The following ATP6V0A4 variants were observed in gnomAD, a reference collection of about 807,000 sequenced individuals.
The protein encoded by ATP6V0A4 is V-type proton ATPase 116 kDa subunit a 4.
ATP6V0A4 carries 86 observed loss-of-function variants against 107.3 expected under a neutral mutation model. That is an observed-to-expected ratio of 0.80 (90% CI 0.67 to 0.96). The LOEUF (loss-of-function observed/expected upper bound fraction) is 0.96, where lower values mean the gene tolerates loss of function less well. Ranked by LOEUF, ATP6V0A4 falls within the 40% of genes least tolerant of loss-of-function variation. The pLI, the probability that ATP6V0A4 is intolerant of heterozygous loss-of-function variation, is 0.00. For missense variants in ATP6V0A4, 908 were observed against 1,045.6 expected, an observed-to-expected ratio of 0.87 and a Z score of 1.81; for synonymous variants, 353 against 381.4, an observed-to-expected ratio of 0.93 and a Z score of 0.87.
chr7:138,746,897 T>C (rs1456271719), intron 13 of ATP6V0A4, among the ~76,000 whole-genome samples: 2 of 152,198 alleles, frequency 1.3e-5, no homozygotes, highest in African/African-American at 2.4e-5. Flanking sequence ...GGGGAAACGA[T>C]GTTCAGGGTT....
In ATP6V0A4 at chr7:138,778,364, C is replaced by CA. The variant is rs937688247; in HGVS notation, c.-17-7101dup. On this transcript the variant is annotated intron_variant, in intron 2 of 21. Transcript: ENST00000310018. ...CAACAGAGTGAGACTGTCTCAAAAA[C>CA]AAAAAAAAAATCATGCATGACTTTT... Among the ~76,000 whole-genome samples, 55 of 144,580 alleles carry CA rather than the reference C, an allele frequency of 3.8e-4. 1 individual carries two copies. The highest frequency in any genetic ancestry group is 1.0e-3 in the African/African-American group (41 of 39,416). The allele number at this position is 144,580 out of a possible 152,430, so 94.9% of individuals were successfully genotyped here.
At chr7:138,737,641 G>C (rs377364633) in intron 15 of ATP6V0A4, among the ~76,000 whole-genome samples, 5 of 149,580 alleles carry the variant, frequency 3.3e-5, no homozygotes, top group African/African-American at 1.2e-4. Context: ...GAGTGCAGTG[G>C]TGTGATCTCA....
chr7:138,729,073 G>T, intron 17 of ATP6V0A4: 1 of 572,284 alleles, frequency 1.7e-6, no homozygotes, highest in Non-Finnish European at 2.2e-6. Context: ...TCGACACGGG[G>T]TAGACACTGG....
At chr7:138,769,147 G>T (rs549195945) in intron 4 of ATP6V0A4, 26 bp downstream of exon 4, 1 of 1,397,664 alleles carries the variant, frequency 7.2e-7, no homozygotes. Flanking sequence ...TGAACAGTAA[G>T]AAAAAAAAAA....
chr7:138,784,222 ATATATATATATACG>A (rs1391134607), intron 2 of ATP6V0A4, among the ~76,000 whole-genome samples: 956 of 86,164 alleles, frequency 0.011, 45 homozygotes, highest in African/African-American at 0.05. Flanking sequence ...CATTATATAT[ATATATATATATACG>A]TATATATATA....
chr7:138,731,182 G>A (rs1454754590), intron 17 of ATP6V0A4, among the ~76,000 whole-genome samples: 1 of 152,172 alleles, frequency 6.6e-6, no homozygotes, highest in Non-Finnish European at 1.5e-5. Context: ...TGATCTGCCT[G>A]CCTTGGCCTC....
intron 7 of ATP6V0A4, among the ~76,000 whole-genome samples, chr7:138,760,984 T>C (rs184281934): frequency 6.6e-6 from 1 of 151,424 alleles, no homozygotes; most frequent in African/African-American, 2.4e-5. Flanking sequence ...TTATTAAAAT[T>C]TTTTTTTTTG....
rs1350743477 is a variant in ATP6V0A4 at position 138,784,235 on chromosome 7, CGTAT to C, written c.-18+1919_-18+1922del. On this transcript the variant is annotated intron_variant, in intron 2 of 21. Transcript: ENST00000310018. ...AACATTATATATATATATATATATA[CGTAT>C]ATATATATATATACATATATATATA... 3.2e-3 allele frequency among the ~76,000 whole-genome samples: 288 copies of C among 91,018 alleles called. 4 individuals are homozygous for C. The South Asian group carries it at 0.041, about 13-fold the overall frequency. 59.7% of individuals were successfully genotyped at this position (91,018 alleles called of 152,430 possible). A position where few individuals can be genotyped will look rare whatever the true frequency, so the allele number is the denominator to read the frequency against.
chr7:138,791,330 A>C (rs2130229186), intron 1 of ATP6V0A4, among the ~76,000 whole-genome samples: 1 of 152,340 alleles, frequency 6.6e-6, no homozygotes, highest in Admixed American at 6.5e-5. Context: ...AATAAAGAAG[A>C]AGGTAAGAGA....
At chr7:138,750,576 G>T (rs1806171025) in intron 11 of ATP6V0A4, among the ~76,000 whole-genome samples, 1 of 152,222 alleles carries the variant, frequency 6.6e-6, no homozygotes, top group Non-Finnish European at 1.5e-5. Flanking sequence ...ACACCCGACA[G>T]CACGTGCCAC....
chr7:138,754,380 G>A (rs555471948), intron 10 of ATP6V0A4, among the ~76,000 whole-genome samples: 13 of 150,972 alleles, frequency 8.6e-5, no homozygotes, highest in Admixed American at 3.3e-4. Flanking sequence ...CCCGGGAGGC[G>A]GAGGTTGCGG....
Position 138,749,215 on chromosome 7 carries a change from T to C in ATP6V0A4, c.1132A>G (p.Asn378Asp). The change falls in exon 12 of 22, where the codon AAT (asparagine) becomes GAT (aspartate). Residue 378 changes from asparagine (N) to aspartate (D), a missense_variant. By Grantham distance (23) the Asn-to-Asp change is conservative. Coordinates refer to ENST00000310018, the MANE Select transcript of ATP6V0A4 (RefSeq NM_020632.3). ...RTNKFTAGFQNIVDAYGVGSY... is the reference protein window; with the variant it reads ...RTNKFTAGFQDIVDAYGVGSY... ...CCGACACCATAGGCATCAACAATATTCTGGAAGCCAGCTGTGAATTTATTG... is the reference window on the plus strand; with the variant it reads ...CCGACACCATAGGCATCAACAATATCCTGGAAGCCAGCTGTGAATTTATTG... The C allele has an allele frequency of 6.2e-7, 1 of 1,614,084 alleles. No homozygotes were observed. The highest frequency in any genetic ancestry group is 8.5e-7 in the Non-Finnish European group (1 of 1,180,026).
intron 21 of ATP6V0A4, among the ~76,000 whole-genome samples, chr7:138,708,966 C>T (rs568716822): frequency 2.6e-5 from 4 of 152,054 alleles, no homozygotes; most frequent in East Asian, 1.9e-4. Context: ...CCCAGCACTT[C>T]AGGAGGCTGA....
In ATP6V0A4 at chr7:138,728,758, T is replaced by C. The variant is rs1409251661; in HGVS notation, c.2010+3A>G. On this transcript the variant is annotated splice_donor_region_variant and intron_variant, in intron 18 of 21. Transcript: ENST00000310018. ...AGGGTGAACTGAAACAAACAGCCCTTACCTGGGATTTCCGATGACTGGCTC... is the reference window on the plus strand; with the variant it reads ...AGGGTGAACTGAAACAAACAGCCCTCACCTGGGATTTCCGATGACTGGCTC... 3 of 1,614,144 alleles carry C rather than the reference T, an allele frequency of 1.9e-6. No homozygotes were observed. Among genetic ancestry groups the C allele is most frequent in the Non-Finnish European group, 2.5e-6 (3 of 1,180,032 alleles).
At position 138,798,108 on chromosome 7, in the gene ATP6V0A4, C is replaced by G. The variant is rs370506317; in HGVS notation, c.-195G>C. The G allele has an allele frequency of 6.3e-7, 1 of 1,597,198 alleles. No individual in the cohort carries two copies. The highest frequency in any genetic ancestry group is 2.3e-5 in the East Asian group (1 of 44,032). On this transcript the variant is annotated 5_prime_UTR_variant, in exon 1 of 22. Coordinates refer to ENST00000310018, the MANE Select transcript of ATP6V0A4 (RefSeq NM_020632.3). ...GGCACTCAGCACAGCCTCCAGCATG[C>G]AGCGCCTCCCCGCTGCCACCCGGGC...
chr7:138,761,510 C>A (rs1463504099), intron 7 of ATP6V0A4, among the ~76,000 whole-genome samples: 1 of 151,780 alleles, frequency 6.6e-6, no homozygotes, highest in Non-Finnish European at 1.5e-5. Context: ...TGGCAGACGC[C>A]TGTAGTCCCA....
At position 138,774,511 on chromosome 7, in the gene ATP6V0A4, G is replaced by A. The variant is rs533358318; in HGVS notation, c.-17-3247C>T. On this transcript the variant is annotated intron_variant, in intron 2 of 21. Transcript: ENST00000310018. ...CAGGAGAATCGCTTGAACCCAGGAAGCAGAGGTTGCAGTGAGCCTAGATCA... is the reference window on the plus strand; with the variant it reads ...CAGGAGAATCGCTTGAACCCAGGAAACAGAGGTTGCAGTGAGCCTAGATCA... 4.0e-5 allele frequency among the ~76,000 whole-genome samples: 6 copies of A among 151,466 alleles called. No homozygotes were observed. The South Asian group carries it at 1.2e-3, about 31-fold the overall frequency.
chr7:138,747,656 C>A, intron 12 of ATP6V0A4, 92 bp from the exon 13 acceptor site: 2 of 1,557,790 alleles, frequency 1.3e-6, no homozygotes, highest in East Asian at 2.4e-5. Context: ...GATTTGCATG[C>A]GGGTTTCCTT....
intron 9 of ATP6V0A4, chr7:138,756,133 A>T: frequency 3.8e-6 from 2 of 524,484 alleles, no homozygotes; most frequent in Non-Finnish European, 3.4e-6. Context: ...ATGGAGCTAC[A>T]TGTAACACGA....
Sources: gnomAD v4.1 joint callset for allele counts (sites outside exome capture counted in the v4.1 genomes callset) on GRCh38, gnomAD v4.1.1 for gene constraint, MANE v1.5 for transcripts, NCBI Gene and HGNC (gene_info 2026-07-23, HGNC 2026-07-21) for gene names.